The following RUNDC3B variants were observed in gnomAD, a reference collection of about 807,000 sequenced individuals.
RUNDC3B encodes RUN domain containing 3B.
RUNDC3B carries 33 observed loss-of-function variants against 58.4 expected under a neutral mutation model. The ratio of observed to expected loss-of-function variants is 0.56; its 90% confidence interval spans 0.43 to 0.75. The LOEUF (loss-of-function observed/expected upper bound fraction) is 0.75. RUNDC3B is among the 30% of genes least tolerant of loss of function. RUNDC3B has a pLI of 0.00. For missense variants in RUNDC3B, 501 were observed against 535.7 expected (o/e 0.94, Z 0.64); for synonymous variants, 193 against 195.2 (o/e 0.99, Z 0.10).
At chr7:87,652,642 A>ATATATATATATATATATATATATG in intron 2 of RUNDC3B, among the ~76,000 whole-genome samples, 1 of 148,696 alleles carries the variant, frequency 6.7e-6, no homozygotes, top group Non-Finnish European at 1.5e-5. Flanking sequence ...ATATATATAT[A>ATATATATATATATATATATATATG]TATAGTAGGA....
chr7:87,782,540 A>C (rs1834986181), intron 8 of RUNDC3B, among the ~76,000 whole-genome samples: 1 of 151,734 alleles, frequency 6.6e-6, no homozygotes, highest in Admixed American at 6.6e-5. Context: ...TTGTTATTTT[A>C]GTTCCTCTAG....
At chr7:87,735,020 G>A (rs888695684) in intron 4 of RUNDC3B, among the ~76,000 whole-genome samples, 4 of 151,546 alleles carry the variant, frequency 2.6e-5, no homozygotes, top group South Asian at 4.2e-4. Flanking sequence ...CTGGAGTTTC[G>A]TCCATTCCCC....
chr7:87,828,741 G>A (rs758341887), intron 10 of RUNDC3B, among the ~76,000 whole-genome samples: 2 of 152,178 alleles, frequency 1.3e-5, no homozygotes, highest in African/African-American at 4.8e-5. Flanking sequence ...TATATACCCA[G>A]TAATGGGATT....
At chr7:87,643,376 G>A (rs1294091048) in intron 1 of RUNDC3B, among the ~76,000 whole-genome samples, 2 of 152,116 alleles carry the variant, frequency 1.3e-5, no homozygotes, top group Non-Finnish European at 2.9e-5. Flanking sequence ...TTAACTAGTT[G>A]TATTAGGCCT....
chr7:87,795,723 CAA>C (rs551631238), intron 8 of RUNDC3B, among the ~76,000 whole-genome samples: 11 of 113,320 alleles, frequency 9.7e-5, no homozygotes, highest in African/African-American at 9.6e-5. Flanking sequence ...ACTAAAAATA[CAA>C]AAAAAAAAAA....
intron 8 of RUNDC3B, among the ~76,000 whole-genome samples, chr7:87,795,496 G>A (rs933701871): frequency 2.0e-5 from 3 of 152,198 alleles, no homozygotes; most frequent in African/African-American, 4.8e-5. Flanking sequence ...TGGCAAAGAT[G>A]TGGAGTAAAC....
At chr7:87,826,876 A>G (rs940325976) in intron 10 of RUNDC3B, among the ~76,000 whole-genome samples, 1 of 152,192 alleles carries the variant, frequency 6.6e-6, no homozygotes, top group Admixed American at 6.5e-5. Context: ...CAAACTAGAA[A>G]GGGAGAAAAG....
At chr7:87,798,614 CT>C (rs1835944749) in intron 8 of RUNDC3B, among the ~76,000 whole-genome samples, 1 of 152,172 alleles carries the variant, frequency 6.6e-6, no homozygotes, top group African/African-American at 2.4e-5. Context: ...TGCCCCACAC[CT>C]GCATCATTCA....
intron 1 of RUNDC3B, 63 bp downstream of exon 1, chr7:87,629,008 C>G: frequency 7.8e-7 from 1 of 1,282,388 alleles, no homozygotes; most frequent in African/African-American, 1.5e-5. Context: ...TGGGCTTCCG[C>G]GCGGGTCCTT....
At chr7:87,647,222 C>A (rs533335599) in intron 1 of RUNDC3B, among the ~76,000 whole-genome samples, 2 of 152,294 alleles carry the variant, frequency 1.3e-5, no homozygotes, top group East Asian at 3.9e-4. Flanking sequence ...CAGATGCTTT[C>A]AGAGGTCCAC....
intron 10 of RUNDC3B, among the ~76,000 whole-genome samples, chr7:87,823,212 A>T (rs2130967692): frequency 6.6e-6 from 1 of 152,126 alleles, no homozygotes; most frequent in East Asian, 1.9e-4. Context: ...TTCCAAGATG[A>T]TTTATGTCCA....
At chr7:87,652,774 G>A (rs1823715039) in intron 2 of RUNDC3B, among the ~76,000 whole-genome samples, 2 of 151,420 alleles carry the variant, frequency 1.3e-5, no homozygotes, top group East Asian at 3.9e-4. Flanking sequence ...TTTACTTTTG[G>A]AGAAGTCATG....
chr7:87,655,555 C>T (rs751977758), intron 2 of RUNDC3B, among the ~76,000 whole-genome samples: 8 of 151,928 alleles, frequency 5.3e-5, no homozygotes, highest in Non-Finnish European at 7.4e-5. Flanking sequence ...TGGTGGTTAC[C>T]GTGTGCTGGA....
chr7:87,781,544 G>C (rs377343780), intron 8 of RUNDC3B, among the ~76,000 whole-genome samples: 13 of 152,156 alleles, frequency 8.5e-5, no homozygotes, highest in African/African-American at 3.1e-4. Context: ...GCCAGAGTGG[G>C]TGTCCTTGTC....
chr7:87,652,283 A>G (rs1276246376), intron 2 of RUNDC3B, among the ~76,000 whole-genome samples: 2 of 152,060 alleles, frequency 1.3e-5, no homozygotes, highest in East Asian at 1.9e-4. Flanking sequence ...TAGCAAATGA[A>G]CAGTAAGGCT....
chr7:87,702,003 C>A (rs919988345), intron 3 of RUNDC3B, among the ~76,000 whole-genome samples: 2 of 151,492 alleles, frequency 1.3e-5, no homozygotes, highest in South Asian at 4.2e-4. Flanking sequence ...ATTAGCCAGG[C>A]GTGGTGGTGG....
intron 2 of RUNDC3B, among the ~76,000 whole-genome samples, chr7:87,657,059 TC>T (rs1398585518): frequency 6.6e-6 from 1 of 152,090 alleles, no homozygotes; most frequent in Non-Finnish European, 1.5e-5. Context: ...TGACATACTT[TC>T]CCCTATTTCT....
intron 3 of RUNDC3B, among the ~76,000 whole-genome samples, chr7:87,708,963 T>G: frequency 6.6e-6 from 1 of 152,306 alleles, no homozygotes; most frequent in East Asian, 1.9e-4. Flanking sequence ...TGGATCACCC[T>G]TATCAACTGA....
intron 2 of RUNDC3B, among the ~76,000 whole-genome samples, chr7:87,687,220 C>G (rs1220325596): frequency 6.6e-6 from 1 of 152,028 alleles, no homozygotes; most frequent in African/African-American, 2.4e-5. Flanking sequence ...CTACCCTTAT[C>G]AGTCTTTTGA....
Sources: gnomAD v4.1 joint callset for allele counts (sites outside exome capture counted in the v4.1 genomes callset) on GRCh38, gnomAD v4.1.1 for gene constraint, MANE v1.5 for transcripts, NCBI Gene and HGNC (gene_info 2026-07-23, HGNC 2026-07-21) for gene names.